SPOCK1: variants seen among roughly 807,000 people sequenced by gnomAD.
The protein encoded by SPOCK1 is testican-1.
SPOCK1 carries 23 observed loss-of-function variants against 55.3 expected under a neutral mutation model. The observed-to-expected ratio is 0.42, with a 90% CI of 0.30 to 0.59. The LOEUF (loss-of-function observed/expected upper bound fraction) is 0.59. SPOCK1 is among the 20% of genes least tolerant of loss of function. The pLI, the probability that SPOCK1 is intolerant of heterozygous loss-of-function variation, is 0.22. For missense variants in SPOCK1, 499 were observed against 552.5 expected (o/e 0.90, Z 0.97); for synonymous variants, 226 against 221.0 (o/e 1.02, Z -0.20).
At chr5:137,092,086 C>T (rs1362589470) in intron 5 of SPOCK1, among the ~76,000 whole-genome samples, 3 of 152,158 alleles carry the variant, frequency 2.0e-5, no homozygotes, top group African/African-American at 7.2e-5. Flanking sequence ...ATCCACCTTC[C>T]AATACCCAAG....
At chr5:137,236,323 C>T (rs915327144) in intron 3 of SPOCK1, among the ~76,000 whole-genome samples, 1 of 152,194 alleles carries the variant, frequency 6.6e-6, no homozygotes, top group Non-Finnish European at 1.5e-5. Flanking sequence ...CACACCAGGC[C>T]CTTCATGGAG....
intron 2 of SPOCK1, among the ~76,000 whole-genome samples, chr5:137,284,427 G>A (rs1440525683): frequency 6.6e-6 from 1 of 152,156 alleles, no homozygotes; most frequent in Non-Finnish European, 1.5e-5. Context: ...GACAACCCTT[G>A]ATAAAGCCCA....
At position 137,241,354 on chromosome 5, in the gene SPOCK1, T is replaced by C. The variant is rs555167996; in HGVS notation, c.232+25656A>G. Among the ~76,000 whole-genome samples, 185 of 152,278 alleles carry C rather than the reference T, an allele frequency of 1.2e-3. 1 individual carries two copies. Among genetic ancestry groups the C allele is most frequent in the African/African-American group, 4.3e-3 (180 of 41,538 alleles). The stretch of plus-strand genomic sequence containing the variant: ...TATAGGTAAAAGGCTAATATCTCTC[T>C]ATATAAAGAGCTTCCAGAAGTTAAC... On this transcript the variant is annotated intron_variant, in intron 3 of 10. Transcript: ENST00000394945.
intron 2 of SPOCK1, among the ~76,000 whole-genome samples, chr5:137,295,810 AC>A (rs559440594): frequency 7.4e-4 from 113 of 152,310 alleles, no homozygotes; most frequent in Non-Finnish European, 1.0e-3. Context: ...TAATAAATAC[AC>A]ATGGCATACT....
intron 3 of SPOCK1, among the ~76,000 whole-genome samples, chr5:137,202,887 T>C (rs1755451334): frequency 6.6e-6 from 1 of 152,232 alleles, no homozygotes; most frequent in South Asian, 2.1e-4. Context: ...AGAAAATCTG[T>C]GGCTGATCTG....
At chr5:137,456,333 A>G (rs1304148220) in intron 2 of SPOCK1, among the ~76,000 whole-genome samples, 2 of 152,156 alleles carry the variant, frequency 1.3e-5, no homozygotes, top group Non-Finnish European at 2.9e-5. Context: ...AACATAACCA[A>G]TAACTCATGT....
chr5:137,406,602 A>G (rs1489441569), intron 2 of SPOCK1, among the ~76,000 whole-genome samples: 1 of 152,234 alleles, frequency 6.6e-6, no homozygotes, highest in Non-Finnish European at 1.5e-5. Context: ...GAACTAGAGA[A>G]GAATACTGAC....
rs77360588 is a variant in SPOCK1, at chr5:137,444,751, T to C, written c.186+53622A>G. On this transcript the variant is annotated intron_variant, in intron 2 of 10. Coordinates refer to ENST00000394945, the MANE Select transcript of SPOCK1 (RefSeq NM_004598.4). Reference sequence around the variant, plus strand: ...AGCCACAAGAATATTGACATGAGTGTGCACGCAGGGCTATAGCCAGGCCCT... The same window carrying C: ...AGCCACAAGAATATTGACATGAGTGCGCACGCAGGGCTATAGCCAGGCCCT... Among the ~76,000 whole-genome samples the C allele has an allele frequency of 2.4e-3, 360 of 152,294 alleles. 1 individual carries two copies. Among genetic ancestry groups the C allele is most frequent in the African/African-American group, 8.2e-3 (341 of 41,560 alleles).
At chr5:136,979,609 A>C in intron 9 of SPOCK1, 140 bp from the exon 10 acceptor site, 4 of 1,077,232 alleles carry the variant, frequency 3.7e-6, no homozygotes, top group Non-Finnish European at 5.2e-6. Flanking sequence ...ATGGTTGGCT[A>C]TTAGTCAAAA....
At chr5:137,067,200 C>T (rs971185403) in intron 6 of SPOCK1, among the ~76,000 whole-genome samples, 2 of 152,182 alleles carry the variant, frequency 1.3e-5, no homozygotes, top group African/African-American at 4.8e-5. Flanking sequence ...CTCTCAGCCA[C>T]AGAAGAGAAA....
intron 6 of SPOCK1, among the ~76,000 whole-genome samples, chr5:137,015,486 G>A (rs1004630010): frequency 6.6e-6 from 1 of 152,068 alleles, no homozygotes; most frequent in African/African-American, 2.4e-5. Context: ...TCAGACACTA[G>A]TGCTGGTACC....
intron 6 of SPOCK1, among the ~76,000 whole-genome samples, chr5:137,055,757 C>A (rs1215024926): frequency 6.6e-6 from 1 of 152,170 alleles, no homozygotes; most frequent in African/African-American, 2.4e-5. Context: ...CACCTTGAGC[C>A]CTTCTCTCTA....
At chr5:137,423,333 T>C (rs1160446578) in intron 2 of SPOCK1, among the ~76,000 whole-genome samples, 1 of 152,198 alleles carries the variant, frequency 6.6e-6, no homozygotes, top group Non-Finnish European at 1.5e-5. Flanking sequence ...GACATTTAAG[T>C]ATGCAGAGGA....
intron 2 of SPOCK1, among the ~76,000 whole-genome samples, chr5:137,325,220 T>G (rs1280219962): frequency 3.9e-5 from 6 of 152,194 alleles, no homozygotes; most frequent in Non-Finnish European, 7.3e-5. Flanking sequence ...GAAAAAACTA[T>G]TTACCAATCA....
intron 2 of SPOCK1, among the ~76,000 whole-genome samples, chr5:137,456,340 AT>A (rs1753368789): frequency 6.6e-6 from 1 of 152,128 alleles, no homozygotes; most frequent in African/African-American, 2.4e-5. Flanking sequence ...CCAATAACTC[AT>A]GTGTCATAAT....
intron 3 of SPOCK1, among the ~76,000 whole-genome samples, chr5:137,257,476 T>A (rs1239116118): frequency 2.6e-5 from 4 of 152,094 alleles, no homozygotes; most frequent in African/African-American, 9.7e-5. Context: ...GAGATGGCCA[T>A]CCACAACCTG....
At chr5:137,173,449 A>G (rs1380449404) in intron 3 of SPOCK1, among the ~76,000 whole-genome samples, 1 of 152,198 alleles carries the variant, frequency 6.6e-6, no homozygotes, top group Non-Finnish European at 1.5e-5. Context: ...GCAATAAAGA[A>G]TTGTTTGTTG....
chr5:137,364,966 C>A (rs914671349), intron 2 of SPOCK1: 2 of 152,258 alleles, frequency 1.3e-5, no homozygotes, highest in Non-Finnish European at 2.9e-5. Flanking sequence ...ACACTGTCAT[C>A]TCCTCATTTG....
chr5:137,092,665 A>G (rs534841566), intron 5 of SPOCK1, among the ~76,000 whole-genome samples: 129 of 152,312 alleles, frequency 8.5e-4, no homozygotes, highest in Non-Finnish European at 1.6e-3. Context: ...CTGTGCCTAG[A>G]GAGGAACAAG....
Sources: allele counts gnomAD v4.1 joint callset (sites outside exome capture counted in the v4.1 genomes callset), GRCh38; gene constraint gnomAD v4.1.1; transcripts MANE v1.5; gene names NCBI Gene and HGNC (gene_info 2026-07-23, HGNC 2026-07-21).